PACRG: variants seen among roughly 807,000 people sequenced by gnomAD.
PACRG encodes the protein parkin coregulated gene protein.
PACRG carries 29 observed loss-of-function variants against 29.7 expected under a neutral mutation model. The observed-to-expected ratio is 0.98, with a 90% CI of 0.73 to 1.33. PACRG has a LOEUF of 1.33. Among genes scored for constraint, PACRG ranks in the 40% most tolerant of loss-of-function variants. The probability of loss-of-function intolerance (pLI) is 0.00; values close to 1 mark genes in which losing one functional copy is unlikely to be tolerated. For missense variants in PACRG, 279 were observed against 316.2 expected (o/e 0.88, Z 0.89); for synonymous variants, 116 against 118.7 (o/e 0.98, Z 0.15).
At chr6:163,167,211 C>G (rs551574716) in intron 4 of PACRG, among the ~76,000 whole-genome samples, 3 of 152,120 alleles carry the variant, frequency 2.0e-5, no homozygotes, top group African/African-American at 4.8e-5. Flanking sequence ...AAACCTTAAG[C>G]TTATAGTTTG....
intron 2 of PACRG, among the ~76,000 whole-genome samples, chr6:163,005,767 T>C (rs1312142261): frequency 6.7e-6 from 1 of 149,840 alleles, no homozygotes; most frequent in Non-Finnish European, 1.5e-5. Flanking sequence ...TGAAATTTTA[T>C]ATATATATAA....
intron 2 of PACRG, among the ~76,000 whole-genome samples, chr6:162,981,171 AT>A (rs1257589122): frequency 1.3e-5 from 2 of 151,960 alleles, no homozygotes; most frequent in Non-Finnish European, 2.9e-5. Flanking sequence ...TTCACTTGGA[AT>A]AATACTCTCC....
At chr6:163,069,219 G>A (rs900070719) in intron 3 of PACRG, among the ~76,000 whole-genome samples, 17 of 147,408 alleles carry the variant, frequency 1.2e-4, no homozygotes, top group Middle Eastern at 7.6e-3. Flanking sequence ...TGTGAAGACC[G>A]CAATACCTAA....
chr6:163,236,049 A>G (rs2128165761), intron 4 of PACRG, among the ~76,000 whole-genome samples: 1 of 152,208 alleles, frequency 6.6e-6, no homozygotes, highest in South Asian at 2.1e-4. Context: ...TATTTATCTG[A>G]AAAAATCTGT....
chr6:163,020,356 A>T (rs1034811700), intron 2 of PACRG, among the ~76,000 whole-genome samples: 3 of 152,240 alleles, frequency 2.0e-5, no homozygotes, highest in Non-Finnish European at 4.4e-5. Context: ...TTAAAAAACA[A>T]GCAAACTTAG....
intron 4 of PACRG, among the ~76,000 whole-genome samples, chr6:163,278,412 T>G (rs1293826491): frequency 6.6e-6 from 1 of 152,146 alleles, no homozygotes; most frequent in African/African-American, 2.4e-5. Context: ...TTTGTCTAAG[T>G]CAATGTCTAG....
At chr6:163,164,319 G>A (rs1434862662) in intron 4 of PACRG, among the ~76,000 whole-genome samples, 1 of 152,152 alleles carries the variant, frequency 6.6e-6, no homozygotes, top group African/African-American at 2.4e-5. Flanking sequence ...TCCATTTGGT[G>A]GCTGCCAATC....
At chr6:162,766,930 T>C (rs7742097) in intron 1 of PACRG, among the ~76,000 whole-genome samples, 35,772 of 151,948 alleles carry the variant, frequency 0.24, 5,279 homozygotes, top group African/African-American at 0.39. Context: ...CTGTTCAGTT[T>C]GTGAAATTTT....
chr6:162,737,327 A>G (rs954160282), intron 1 of PACRG, among the ~76,000 whole-genome samples: 3 of 152,208 alleles, frequency 2.0e-5, no homozygotes, highest in African/African-American at 7.2e-5. Flanking sequence ...AATTGTAATC[A>G]CTTGAAAGAT....
chr6:162,795,827 T>G (rs534357926), intron 1 of PACRG, among the ~76,000 whole-genome samples: 2 of 152,212 alleles, frequency 1.3e-5, no homozygotes, highest in African/African-American at 4.8e-5. Context: ...ATTTTTCCCA[T>G]GTACTTTATT....
At chr6:162,930,654 T>A (rs55958342) in intron 2 of PACRG, among the ~76,000 whole-genome samples, 15,270 of 152,036 alleles carry the variant, frequency 0.1, 1,011 homozygotes, top group East Asian at 0.26. Context: ...AAAGTGGGCA[T>A]CCTTTTCTTG....
intron 4 of PACRG, chr6:163,182,494 CAA>C (rs748110367): frequency 4.6e-5 from 7 of 152,198 alleles, no homozygotes; most frequent in Non-Finnish European, 8.8e-5. Context: ...GAAACAGTCA[CAA>C]GAGTCATGAT....
chr6:163,112,316 G>A (rs1317530104), intron 4 of PACRG, among the ~76,000 whole-genome samples: 1 of 152,234 alleles, frequency 6.6e-6, no homozygotes, highest in Non-Finnish European at 1.5e-5. Context: ...ATGGCAGGGA[G>A]CTGTGCACCT....
intron 3 of PACRG, among the ~76,000 whole-genome samples, chr6:163,063,898 T>C (rs1811305509): frequency 1.3e-5 from 2 of 152,114 alleles, no homozygotes; most frequent in Admixed American, 6.5e-5. Flanking sequence ...TAAAACCTTT[T>C]CCAAAAGTAA....
chr6:162,835,873 G>C (rs1372927004), intron 2 of PACRG, among the ~76,000 whole-genome samples: 1 of 152,064 alleles, frequency 6.6e-6, no homozygotes, highest in Non-Finnish European at 1.5e-5. Flanking sequence ...GTAATGAAAA[G>C]AATCATACGA....
chr6:163,043,204 T>C (rs1047615824), intron 2 of PACRG: 21 of 152,310 alleles, frequency 1.4e-4, no homozygotes, highest in African/African-American at 5.1e-4. Flanking sequence ...CAAGAGAGTT[T>C]AAGAAAGAAA....
intron 4 of PACRG, among the ~76,000 whole-genome samples, chr6:163,162,494 C>G (rs1229040200): frequency 1.3e-5 from 2 of 152,226 alleles, no homozygotes; most frequent in African/African-American, 4.8e-5. Context: ...CATTTCGTTT[C>G]TGCCAATTTC....
At chr6:162,980,825 GTAATTACTACAA>G (rs1159942211) in intron 2 of PACRG, among the ~76,000 whole-genome samples, 1 of 152,100 alleles carries the variant, frequency 6.6e-6, no homozygotes, top group Non-Finnish European at 1.5e-5. Context: ...GGAAACTATG[GTAATTACTACAA>G]TACAAGTTAA....
rs185501842 is a variant in PACRG, at chr6:163,102,594, A to G, written c.613+13186A>G. On this transcript the variant is annotated intron_variant, in intron 4 of 4. Transcript: ENST00000366888. ...TTCCAAATCTTTGCTAGGAGCTGCA[A>G]TGTATATGATTTTTGCTAAATCTTT... 2.0e-5 allele frequency among the ~76,000 whole-genome samples: 3 copies of G among 152,250 alleles called. No individual in the cohort carries two copies. The East Asian group carries it at 5.8e-4, about 29-fold the overall frequency.
Sources: gnomAD v4.1 joint callset for allele counts (sites outside exome capture counted in the v4.1 genomes callset) on GRCh38, gnomAD v4.1.1 for gene constraint, MANE v1.5 for transcripts, NCBI Gene and HGNC (gene_info 2026-07-23, HGNC 2026-07-21) for gene names.